The following THRB variants were observed in gnomAD, a reference collection of about 807,000 sequenced individuals.
THRB encodes nuclear receptor subfamily 1 group A member 2.
Under a neutral mutation model 47.8 loss-of-function variants are expected in THRB, and 12 were observed. The observed-to-expected ratio is 0.25, with a 90% confidence interval of 0.16 to 0.41. The LOEUF is 0.41. THRB is among the 10% of genes least tolerant of loss of function. The pLI, the probability that THRB is intolerant of heterozygous loss-of-function variation, is 1.00. For synonymous variants in THRB, 218 were observed against 212.2 expected (o/e 1.03, Z -0.24); for missense variants, 348 against 589.2 (o/e 0.59, Z 4.24).
chr3:24,288,440 A>G (rs892196877), intron 3 of THRB, among the ~76,000 whole-genome samples: 9 of 152,334 alleles, frequency 5.9e-5, no homozygotes, highest in East Asian at 3.9e-4. Flanking sequence ...TAGGTTCTGC[A>G]GGATTCTGTC....
At chr3:24,355,898 A>T (rs1480469913) in intron 1 of THRB, among the ~76,000 whole-genome samples, 1 of 152,158 alleles carries the variant, frequency 6.6e-6, no homozygotes, top group African/African-American at 2.4e-5. Context: ...CCTTCATTCT[A>T]TTCCAATGGT....
intron 5 of THRB, among the ~76,000 whole-genome samples, chr3:24,171,989 A>G (rs2040499926): frequency 6.6e-6 from 1 of 152,170 alleles, no homozygotes; most frequent in Admixed American, 6.6e-5. Flanking sequence ...ATAAAAATAA[A>G]CTTTATAATC....
intron 2 of THRB, among the ~76,000 whole-genome samples, chr3:24,303,171 C>T (rs73148367): frequency 0.011 from 1,606 of 152,290 alleles, 28 homozygotes; most frequent in African/African-American, 0.037. Context: ...TTGTTTTTCA[C>T]TTGATAAAAC....
At chr3:24,352,939 G>C (rs1360765942) in intron 1 of THRB, among the ~76,000 whole-genome samples, 2 of 152,032 alleles carry the variant, frequency 1.3e-5, no homozygotes, top group Non-Finnish European at 2.9e-5. Flanking sequence ...TTTTAAAAAT[G>C]TAATACTATA....
intron 2 of THRB, among the ~76,000 whole-genome samples, chr3:24,328,836 C>T (rs1254887002): frequency 1.3e-5 from 2 of 152,170 alleles, no homozygotes; most frequent in Non-Finnish European, 2.9e-5. Flanking sequence ...ACTTTGTTTA[C>T]AATTTTAAAA....
intron 5 of THRB, among the ~76,000 whole-genome samples, chr3:24,159,727 C>CTGTG (rs67972581): frequency 0.015 from 2,243 of 145,366 alleles, 29 homozygotes; most frequent in East Asian, 0.022. Context: ...GCCACAACTG[C>CTGTG]TGTGTGTGTG....
chr3:24,196,802 C>T (rs2044006217), intron 4 of THRB, among the ~76,000 whole-genome samples: 1 of 152,224 alleles, frequency 6.6e-6, no homozygotes, highest in Non-Finnish European at 1.5e-5. Context: ...GTGAGCATTT[C>T]CTGTTAGGTT....
intron 8 of THRB, among the ~76,000 whole-genome samples, chr3:24,135,677 T>G (rs1361243184): frequency 6.6e-5 from 10 of 151,986 alleles, no homozygotes; most frequent in Admixed American, 6.6e-4. Flanking sequence ...CCCTGCAGCC[T>G]TCAGATATCC....
intron 5 of THRB, among the ~76,000 whole-genome samples, chr3:24,173,766 CCATA>C (rs2040761336): frequency 6.6e-6 from 1 of 152,192 alleles, no homozygotes; most frequent in Non-Finnish European, 1.5e-5. Flanking sequence ...CCTCTTCTAA[CCATA>C]CATATTCTTC....
chr3:24,423,822 C>A (rs2069501409), intron 1 of THRB, among the ~76,000 whole-genome samples: 1 of 151,794 alleles, frequency 6.6e-6, no homozygotes, highest in Non-Finnish European at 1.5e-5. Context: ...TATATATGAT[C>A]TACTGAAAAC....
At chr3:24,293,999 AT>A (rs1475707544) in intron 3 of THRB, among the ~76,000 whole-genome samples, 1 of 152,228 alleles carries the variant, frequency 6.6e-6, no homozygotes, top group Non-Finnish European at 1.5e-5. Context: ...TGACTTTGCC[AT>A]TCCTTTCATC....
rs62255379 is a variant in THRB, at chr3:24,311,316, A to C, written c.-188-13945T>G. ...CTAGAAGATGCAATATTTCTTTTAA[A>C]TACTGTGTATTAATGAAAGAAGAAC... On this transcript the variant is annotated intron_variant, in intron 2 of 10. Transcript: ENST00000646209. Among the ~76,000 whole-genome samples the C allele has an allele frequency of 7.5e-3, 1,144 of 152,312 alleles. 8 individuals carry two copies. The highest frequency in any genetic ancestry group is 0.011 in the Non-Finnish European group (772 of 68,032).
intron 5 of THRB, among the ~76,000 whole-genome samples, chr3:24,157,097 T>A (rs1203681908): frequency 6.6e-6 from 1 of 152,202 alleles, no homozygotes; most frequent in Non-Finnish European, 1.5e-5. Flanking sequence ...TGAAACAGCA[T>A]TAACTTTGGA....
At position 24,146,794 on chromosome 3, in the gene THRB, T is replaced by C; in HGVS notation, c.413A>G (p.Asn138Ser). ...TTTACAGGAATAGGATGGATGGAGA[T>C]TTTTCTGAATGGTTCTTCTAAAGAA... is the stretch of plus-strand genomic sequence containing the variant. ...KGFFRRTIQKNLHPSYSCKYE... is the reference protein window; with the variant it reads ...KGFFRRTIQKSLHPSYSCKYE... The change falls in exon 7 of 11, where the codon AAT (asparagine) becomes AGT (serine). Residue 138 changes from asparagine (N) to serine (S), a missense_variant. Asn to Ser is a conservative substitution (Grantham distance 46, BLOSUM62 1). This residue lies in a region of THRB where 112 missense variants were observed against 212.3 expected (regional missense o/e 0.53). Coordinates refer to ENST00000646209, the MANE Select transcript of THRB (RefSeq NM_001354712.2). The C allele has an allele frequency of 6.2e-7, 1 of 1,613,994 alleles. No homozygotes were observed. The highest frequency in any genetic ancestry group is 8.5e-7 in the Non-Finnish European group (1 of 1,179,886).
intron 3 of THRB, among the ~76,000 whole-genome samples, chr3:24,244,361 G>C (rs1307386478): frequency 6.6e-6 from 1 of 152,146 alleles, no homozygotes; most frequent in Non-Finnish European, 1.5e-5. Flanking sequence ...TTCTTGTCAG[G>C]CATGTGGATT....
chr3:24,206,042 A>G (rs1480763526), intron 4 of THRB, among the ~76,000 whole-genome samples: 2 of 152,180 alleles, frequency 1.3e-5, no homozygotes, highest in East Asian at 3.8e-4. Flanking sequence ...ACTCCCACAC[A>G]ATAATAATGG....
intron 1 of THRB, among the ~76,000 whole-genome samples, chr3:24,347,439 A>T (rs1001125974): frequency 1.3e-5 from 2 of 149,530 alleles, no homozygotes; most frequent in Non-Finnish European, 2.9e-5. Flanking sequence ...AGTTACTGTA[A>T]CAGAGAAAAT....
chr3:24,279,937 C>T (rs913525037), intron 3 of THRB, among the ~76,000 whole-genome samples: 5 of 152,100 alleles, frequency 3.3e-5, no homozygotes, highest in Non-Finnish European at 7.4e-5. Flanking sequence ...TCCTTTGTTA[C>T]GTATTTTATC....
At chr3:24,304,021 T>A (rs768624013) in intron 2 of THRB, among the ~76,000 whole-genome samples, 1 of 149,652 alleles carries the variant, frequency 6.7e-6, no homozygotes, top group Non-Finnish European at 1.5e-5. Context: ...TTTGCCCTTA[T>A]GTGTATATGT....
Sources: gnomAD v4.1 joint callset for allele counts (sites outside exome capture counted in the v4.1 genomes callset) on GRCh38, gnomAD v4.1.1 for gene constraint, gnomAD v4.1.1 regional missense constraint, MANE v1.5 for transcripts, NCBI Gene and HGNC (gene_info 2026-07-23, HGNC 2026-07-21) for gene names.